Variants in ITSN1 observed in about 807,000 individuals in gnomAD.
The protein encoded by ITSN1 is intersectin-1.
In ITSN1, 58 loss-of-function variants were observed where a neutral mutation model predicts 239.8. That is an observed-to-expected ratio of 0.24 (90% CI 0.20 to 0.30). ITSN1 has a LOEUF of 0.30. Ranked by LOEUF, ITSN1 falls within the 10% of genes least tolerant of loss-of-function variation. The pLI is 1.00. For missense variants in ITSN1, 1,558 were observed against 2,103.3 expected, an observed-to-expected ratio of 0.74 and a Z score of 5.07; for synonymous variants, 780 against 770.8, an observed-to-expected ratio of 1.01 and a Z score of -0.20.
chr21:33,807,344 G>A lies in ITSN1; in HGVS notation c.2320-3631G>A, dbSNP rs369607547. 3.3e-5 allele frequency among the ~76,000 whole-genome samples: 5 copies of A among 152,194 alleles called. No individual in the cohort carries two copies. In the East Asian group the frequency reaches 5.8e-4, roughly 18 times the overall value. On this transcript the variant is annotated intron_variant, in intron 20 of 39. Transcript: ENST00000381318. ...GGACATTTCCCCAGGGCTTCAGGTCGCATTCCAGATGTCCACCAGTGTCTC... is the reference window on the plus strand; with the variant it reads ...GGACATTTCCCCAGGGCTTCAGGTCACATTCCAGATGTCCACCAGTGTCTC...
At chr21:33,753,416 G>A (rs1481992162) in intron 7 of ITSN1, among the ~76,000 whole-genome samples, 1 of 152,082 alleles carries the variant, frequency 6.6e-6, no homozygotes, top group Non-Finnish European at 1.5e-5. Context: ...CTTAGTGCAT[G>A]GTGGAGCTGA....
At chr21:33,740,016 G>GA (rs2066746483) in intron 5 of ITSN1, among the ~76,000 whole-genome samples, 1 of 151,934 alleles carries the variant, frequency 6.6e-6, no homozygotes, top group South Asian at 2.1e-4. Context: ...TGTATTTTGG[G>GA]AAAAAAGTAA....
intron 17 of ITSN1, among the ~76,000 whole-genome samples, chr21:33,795,330 TC>T (rs1225162842): frequency 2.0e-5 from 3 of 152,144 alleles, no homozygotes; most frequent in Non-Finnish European, 4.4e-5. Flanking sequence ...GCGCCTGTAG[TC>T]CCAGCTACTT....
intron 1 of ITSN1, among the ~76,000 whole-genome samples, chr21:33,686,650 G>A (rs2091254075): frequency 6.6e-6 from 1 of 152,074 alleles, no homozygotes; most frequent in Non-Finnish European, 1.5e-5. Context: ...TGGCTTTCTT[G>A]AGCTCAATTT....
intron 36 of ITSN1, among the ~76,000 whole-genome samples, 177 bp downstream of exon 36, chr21:33,883,848 G>A (rs1413565984): frequency 2.0e-5 from 3 of 150,736 alleles, no homozygotes; most frequent in Non-Finnish European, 4.4e-5. Flanking sequence ...CTGTCACATG[G>A]CATGCCCTTT....
At chr21:33,667,421 A>G (rs2089997754) in intron 1 of ITSN1, among the ~76,000 whole-genome samples, 1 of 152,194 alleles carries the variant, frequency 6.6e-6, no homozygotes, top group South Asian at 2.1e-4. Context: ...TACTTGTATT[A>G]TATATTTTTG....
chr21:33,804,587 A>G (rs1209529440), intron 20 of ITSN1, among the ~76,000 whole-genome samples: 1 of 152,216 alleles, frequency 6.6e-6, no homozygotes, highest in Non-Finnish European at 1.5e-5. Context: ...GCTAAGGCTT[A>G]GATGCGTAGA....
intron 18 of ITSN1, among the ~76,000 whole-genome samples, chr21:33,799,284 G>C (rs1221638610): frequency 6.6e-6 from 1 of 152,136 alleles, no homozygotes; most frequent in South Asian, 2.1e-4. Context: ...GGGATTATCA[G>C]TATAACCAAA....
At chr21:33,859,998 C>T (rs1980166947) in intron 31 of ITSN1, among the ~76,000 whole-genome samples, 1 of 152,166 alleles carries the variant, frequency 6.6e-6, no homozygotes, top group East Asian at 1.9e-4. Flanking sequence ...GTCCCTGGGC[C>T]TCAGTGTTCT....
In ITSN1 at chr21:33,883,650, G is replaced by C; in HGVS notation, c.4655G>C (p.Arg1552Pro). ...ISHIDRVYTL[R>P]AESINERTAW... Reference sequence around the variant, plus strand: ...CACATTGACCGCGTCTATACTCTCCGAGCAGAAAGCATAAATGAAAGGTGA... The same window carrying C: ...CACATTGACCGCGTCTATACTCTCCCAGCAGAAAGCATAAATGAAAGGTGA... Residue 1552 changes from arginine to proline, a missense_variant, in exon 36 of 40, where the codon CGA becomes CCA. Coordinates refer to ENST00000381318, the MANE Select transcript of ITSN1 (RefSeq NM_003024.3). The C allele has an allele frequency of 6.2e-7, 1 of 1,613,484 alleles. No individual in the cohort carries two copies. The highest frequency in any genetic ancestry group is 8.5e-7 in the Non-Finnish European group (1 of 1,179,632).
At chr21:33,693,048 C>T (rs1331180067) in intron 1 of ITSN1, among the ~76,000 whole-genome samples, 1 of 152,106 alleles carries the variant, frequency 6.6e-6, no homozygotes, top group Admixed American at 6.6e-5. Context: ...CCGCCCACCT[C>T]GCCTCCCGAA....
At chr21:33,726,325 T>C (rs925719774) in intron 4 of ITSN1, among the ~76,000 whole-genome samples, 2 of 151,094 alleles carry the variant, frequency 1.3e-5, no homozygotes, top group African/African-American at 4.9e-5. Flanking sequence ...CAACTAATAA[T>C]AGCTGATCTA....
At chr21:33,746,530 T>C (rs887806829) in intron 5 of ITSN1, among the ~76,000 whole-genome samples, 1 of 152,162 alleles carries the variant, frequency 6.6e-6, no homozygotes, top group Non-Finnish European at 1.5e-5. Context: ...TAGAAAAGTA[T>C]GACAATTGAT....
chr21:33,861,139 T>C (rs1980442300), intron 31 of ITSN1, among the ~76,000 whole-genome samples: 1 of 152,186 alleles, frequency 6.6e-6, no homozygotes. Context: ...ATCTCAAACA[T>C]ACAGAAAATT....
At chr21:33,867,545 A>C (rs184514927) in intron 33 of ITSN1, among the ~76,000 whole-genome samples, 126 of 151,998 alleles carry the variant, frequency 8.3e-4, no homozygotes, top group African/African-American at 3.0e-3. Flanking sequence ...CCGCGCCTGT[A>C]ATCCCAGCAC....
chr21:33,654,030 CTCTTTCTCTT>C (rs1235541506), intron 1 of ITSN1, among the ~76,000 whole-genome samples: 6 of 151,678 alleles, frequency 4.0e-5, no homozygotes, highest in Non-Finnish European at 1.5e-5. Context: ...TCTTTCCTTC[CTCTTTCTCTT>C]TCTTTCTCTC....
intron 14 of ITSN1, among the ~76,000 whole-genome samples, chr21:33,777,184 C>T (rs1174423556): frequency 1.3e-5 from 2 of 152,168 alleles, no homozygotes; most frequent in Non-Finnish European, 2.9e-5. Context: ...TATATTTTTA[C>T]ATACTGATAC....
intron 29 of ITSN1, among the ~76,000 whole-genome samples, chr21:33,854,330 C>T (rs1006252163): frequency 6.6e-6 from 1 of 152,194 alleles, no homozygotes; most frequent in Non-Finnish European, 1.5e-5. Flanking sequence ...CACTCTGTGT[C>T]AATATTCTAA....
At chr21:33,681,322 G>A (rs1415583771) in intron 1 of ITSN1, among the ~76,000 whole-genome samples, 1 of 152,184 alleles carries the variant, frequency 6.6e-6, no homozygotes, top group Admixed American at 6.5e-5. Flanking sequence ...TCATGAGAAC[G>A]AGAATTAACT....
Sources: allele counts gnomAD v4.1 joint callset (sites outside exome capture counted in the v4.1 genomes callset), GRCh38; gene constraint gnomAD v4.1.1; transcripts MANE v1.5; gene names NCBI Gene and HGNC (gene_info 2026-07-23, HGNC 2026-07-21).